The following RPA3 variants were observed in gnomAD, a reference collection of about 807,000 sequenced individuals.
RPA3 encodes the protein replication protein A3.
RPA3 carries 24 observed loss-of-function variants against 13.7 expected under a neutral mutation model. That is an observed-to-expected ratio of 1.75 (90% CI 1.27 to 2.46). RPA3 has a LOEUF of 2.46. Among genes scored for constraint, RPA3 ranks in the 30% most tolerant of loss-of-function variants. The probability of loss-of-function intolerance (pLI) is 0.00; values close to 1 mark genes in which losing one functional copy is unlikely to be tolerated. For missense variants in RPA3, 183 were observed against 151.0 expected (o/e 1.21, Z -1.11); for synonymous variants, 59 against 51.2 (o/e 1.15, Z -0.65).
intron 4 of RPA3, among the ~76,000 whole-genome samples, chr7:7,656,270 A>G (rs1785339726): frequency 6.6e-6 from 1 of 152,170 alleles, no homozygotes; most frequent in South Asian, 2.1e-4. Context: ...AACAATGTAA[A>G]GTCTCTTGCT....
chr7:7,698,795 A>C (rs541482623), intron 2 of RPA3, among the ~76,000 whole-genome samples: 1 of 152,028 alleles, frequency 6.6e-6, no homozygotes, highest in Non-Finnish European at 1.5e-5. Flanking sequence ...ATTCATCTCA[A>C]AGTGATTTGG....
At chr7:7,693,456 G>T (rs1780229671) in intron 2 of RPA3, among the ~76,000 whole-genome samples, 1 of 152,042 alleles carries the variant, frequency 6.6e-6, no homozygotes, top group Admixed American at 6.6e-5. Flanking sequence ...AGATGTTTTG[G>T]GGGAAGAAGT....
chr7:7,673,973 A>G (rs1779676944), intron 4 of RPA3, among the ~76,000 whole-genome samples: 1 of 152,190 alleles, frequency 6.6e-6, no homozygotes, highest in African/African-American at 2.4e-5. Context: ...ATTTCTTACA[A>G]TCAAATACAG....
chr7:7,641,198 G>GAT (rs938201003), intron 4 of RPA3, 23 bp from the exon 5 acceptor site: 1 of 152,176 alleles, frequency 6.6e-6, no homozygotes, highest in Non-Finnish European at 1.5e-5. Context: ...AGATTGATCC[G>GAT]ATTACTTCTA....
chr7:7,650,488 A>G (rs773855737), intron 4 of RPA3, among the ~76,000 whole-genome samples: 2 of 152,194 alleles, frequency 1.3e-5, no homozygotes, highest in Non-Finnish European at 2.9e-5. Context: ...ATTTTGCTGT[A>G]GGCTTACATG....
At chr7:7,676,783 A>G (rs911936928) in intron 4 of RPA3, among the ~76,000 whole-genome samples, 13 of 152,262 alleles carry the variant, frequency 8.5e-5, no homozygotes, top group African/African-American at 3.1e-4. Context: ...ATTAGTGAAA[A>G]CATCCTTCAG....
At chr7:7,653,479 C>T (rs575678795) in intron 4 of RPA3, among the ~76,000 whole-genome samples, 1 of 152,258 alleles carries the variant, frequency 6.6e-6, no homozygotes, top group East Asian at 1.9e-4. Context: ...AGGAAAAAAA[C>T]TGTGGTTTTC....
intron 2 of RPA3, among the ~76,000 whole-genome samples, chr7:7,714,555 G>C (rs1323782360): frequency 6.6e-6 from 1 of 152,196 alleles, no homozygotes; most frequent in African/African-American, 2.4e-5. Context: ...TGGGTGAGAT[G>C]ACTTAGGATC....
intron 2 of RPA3, among the ~76,000 whole-genome samples, chr7:7,709,035 C>A (rs1780681330): frequency 6.6e-6 from 1 of 151,786 alleles, no homozygotes; most frequent in Non-Finnish European, 1.5e-5. Flanking sequence ...GAAAACAGTC[C>A]TAACTATTAA....
intron 4 of RPA3, among the ~76,000 whole-genome samples, chr7:7,655,742 A>T (rs1032671113): frequency 5.3e-5 from 8 of 152,216 alleles, no homozygotes; most frequent in African/African-American, 1.9e-4. Context: ...GTTAAATTAG[A>T]GGACAGGCTC....
intron 2 of RPA3, among the ~76,000 whole-genome samples, chr7:7,710,181 T>G (rs1780718826): frequency 6.6e-6 from 1 of 152,208 alleles, no homozygotes. Context: ...TTTATATATC[T>G]GTTCTGATGA....
intron 4 of RPA3, among the ~76,000 whole-genome samples, chr7:7,674,158 C>T: frequency 6.6e-6 from 1 of 152,176 alleles, no homozygotes. Context: ...TCATCCTTTT[C>T]CATGCTGGAC....
At chr7:7,689,712 C>T (rs552438865) in intron 2 of RPA3, among the ~76,000 whole-genome samples, 1 of 152,020 alleles carries the variant, frequency 6.6e-6, no homozygotes, top group Non-Finnish European at 1.5e-5. Context: ...TTTCTAAACT[C>T]AAAACAATTG....
intron 2 of RPA3, among the ~76,000 whole-genome samples, chr7:7,709,838 G>C (rs1028639532): frequency 6.6e-6 from 1 of 151,676 alleles, no homozygotes; most frequent in East Asian, 1.9e-4. Context: ...GAACACCTGT[G>C]TACCCACCAA....
At chr7:7,649,019 A>T (rs1043635823) in intron 4 of RPA3, among the ~76,000 whole-genome samples, 5 of 151,940 alleles carry the variant, frequency 3.3e-5, no homozygotes, top group African/African-American at 9.7e-5. Context: ...TTAGCCAGGC[A>T]TGGTGGCGGA....
chr7:7,654,098 A>C (rs543849921), intron 4 of RPA3, among the ~76,000 whole-genome samples: 2 of 152,292 alleles, frequency 1.3e-5, no homozygotes, highest in African/African-American at 4.8e-5. Context: ...CTGCTAGGCT[A>C]CCCTTCTTGA....
At chr7:7,676,031 C>A in intron 4 of RPA3, 1 of 397,842 alleles carries the variant, frequency 2.5e-6, no homozygotes, top group South Asian at 1.3e-4. Flanking sequence ...CAGTCAGCAT[C>A]ATGTCTCAGC....
intron 5 of RPA3, 139 bp downstream of exon 5, chr7:7,640,181 A>C: frequency 1.1e-6 from 1 of 911,024 alleles, no homozygotes; most frequent in Non-Finnish European, 1.7e-6. Context: ...AAGAATTTCC[A>C]AAAAGTTCCT....
intron 4 of RPA3, among the ~76,000 whole-genome samples, chr7:7,657,795 G>T (rs897124111): frequency 1.3e-5 from 2 of 152,104 alleles, no homozygotes; most frequent in Admixed American, 1.3e-4. Flanking sequence ...GGCTATGTGG[G>T]CTCTATTTTG....
Sources: allele counts gnomAD v4.1 joint callset (sites outside exome capture counted in the v4.1 genomes callset), GRCh38; gene constraint gnomAD v4.1.1; transcripts MANE v1.5; gene names NCBI Gene and HGNC (gene_info 2026-07-23, HGNC 2026-07-21).